The following PRKN variants were observed in gnomAD, a reference collection of about 807,000 sequenced individuals.
The protein encoded by PRKN is parkin RBR E3 ubiquitin protein ligase.
A neutral mutation model predicts 59.5 loss-of-function variants in PRKN; 56 were observed. That is an observed-to-expected ratio of 0.94 (90% CI 0.76 to 1.18). The LOEUF (loss-of-function observed/expected upper bound fraction) is 1.18, where lower values mean the gene tolerates loss of function less well. Ranked by LOEUF, PRKN falls within the 50% of genes most tolerant of loss-of-function variation. The probability of loss-of-function intolerance (pLI) is 0.00; values close to 1 mark genes in which losing one functional copy is unlikely to be tolerated. For synonymous variants in PRKN, 250 were observed against 222.1 expected (o/e 1.13, Z -1.12); for missense variants, 657 against 596.4 (o/e 1.10, Z -1.06).
Position 161,520,952 on chromosome 6 carries a change from A to G in PRKN, c.1083+27902T>C, listed in dbSNP as rs150128212. 2.0e-5 allele frequency among the ~76,000 whole-genome samples: 3 copies of G among 152,344 alleles called. No individual in the cohort carries two copies. The East Asian group carries it at 5.8e-4, about 29-fold the overall frequency. ...GAAATCAGGGTTCAGTTAGACACAA[A>G]GCTACAGAGCTTAATTAAACATATA... On this transcript the variant is annotated intron_variant, in intron 9 of 11. Coordinates refer to ENST00000366898, the MANE Select transcript of PRKN (RefSeq NM_004562.3).
At chr6:162,469,919 GAGA>G (rs1477612977) in intron 1 of PRKN, among the ~76,000 whole-genome samples, 59 of 152,194 alleles carry the variant, frequency 3.9e-4, no homozygotes, top group African/African-American at 1.4e-3. Flanking sequence ...GTGAATGGTA[GAGA>G]AGGAGGGAGC....
At chr6:162,570,191 G>A (rs1226331804) in intron 1 of PRKN, among the ~76,000 whole-genome samples, 3 of 152,130 alleles carry the variant, frequency 2.0e-5, no homozygotes, top group East Asian at 1.9e-4. Flanking sequence ...ATGGCAAACA[G>A]GCATATGAAA....
At chr6:161,988,796 C>CTTA (rs1277592508) in intron 5 of PRKN, among the ~76,000 whole-genome samples, 1 of 152,180 alleles carries the variant, frequency 6.6e-6, no homozygotes, top group East Asian at 1.9e-4. Context: ...TAAAGCTACC[C>CTTA]AATGGATAAT....
intron 1 of PRKN, among the ~76,000 whole-genome samples, chr6:162,673,613 T>C (rs1462438066): frequency 6.6e-6 from 1 of 152,170 alleles, no homozygotes; most frequent in Non-Finnish European, 1.5e-5. Flanking sequence ...CTCCAACTCC[T>C]GAGTTCAAGC....
intron 2 of PRKN, among the ~76,000 whole-genome samples, chr6:162,363,589 C>G (rs1445192741): frequency 3.4e-5 from 5 of 147,164 alleles, no homozygotes; most frequent in African/African-American, 1.0e-4. Flanking sequence ...ATTTCTTGTT[C>G]TTTTTAAAAA....
chr6:161,370,094 T>G, intron 10 of PRKN: 1 of 346,148 alleles, frequency 2.9e-6, no homozygotes, highest in South Asian at 2.1e-5. Flanking sequence ...TTTGTACACA[T>G]GGAAAAGACC....
chr6:162,237,924 C>A (rs749191011), intron 3 of PRKN, among the ~76,000 whole-genome samples: 1 of 152,116 alleles, frequency 6.6e-6, no homozygotes, highest in Non-Finnish European at 1.5e-5. Context: ...TGTACATACA[C>A]GCAAGAACGC....
chr6:161,943,820 AATCAGCCTGAAGG>A (rs1779658525), intron 6 of PRKN, among the ~76,000 whole-genome samples: 1 of 149,932 alleles, frequency 6.7e-6, no homozygotes. Context: ...CAGCCTGAGG[AATCAGCCTGAAGG>A]ATCAGCCTGA....
intron 1 of PRKN, among the ~76,000 whole-genome samples, chr6:162,589,238 C>T (rs1182521301): frequency 6.6e-6 from 1 of 152,112 alleles, no homozygotes; most frequent in African/African-American, 2.4e-5. Flanking sequence ...CATACCTACG[C>T]AGATTTTAAA....
chr6:161,757,093 A>G (rs1179524470), intron 7 of PRKN, among the ~76,000 whole-genome samples: 1 of 152,230 alleles, frequency 6.6e-6, no homozygotes, highest in African/African-American at 2.4e-5. Flanking sequence ...GATAATTCAA[A>G]ATAGATCAGA....
At chr6:162,711,855 T>G (rs1263746167) in intron 1 of PRKN, among the ~76,000 whole-genome samples, 2 of 152,170 alleles carry the variant, frequency 1.3e-5, no homozygotes, top group East Asian at 1.9e-4. Flanking sequence ...TTGCAAACTT[T>G]CTTGCGCAGA....
intron 2 of PRKN, among the ~76,000 whole-genome samples, chr6:162,296,219 AC>A (rs1314895280): frequency 2.0e-5 from 1 of 49,270 alleles, no homozygotes; most frequent in Non-Finnish European, 4.3e-5. Flanking sequence ...CCATCCCCCC[AC>A]CCCCTTCTAT....
intron 6 of PRKN, among the ~76,000 whole-genome samples, chr6:161,971,884 T>G (rs1780823016): frequency 6.6e-6 from 1 of 152,198 alleles, no homozygotes; most frequent in South Asian, 2.1e-4. Flanking sequence ...GAGACAACAC[T>G]TAAAATGATT....
intron 5 of PRKN, among the ~76,000 whole-genome samples, chr6:161,994,391 G>A (rs890653114): frequency 1.3e-5 from 2 of 152,014 alleles, no homozygotes; most frequent in Non-Finnish European, 1.5e-5. Context: ...AAAGGTGAAC[G>A]TCTATCCTCT....
intron 3 of PRKN, among the ~76,000 whole-genome samples, chr6:162,225,697 T>C (rs1778139696): frequency 1.3e-5 from 2 of 152,008 alleles, no homozygotes; most frequent in African/African-American, 4.8e-5. Context: ...TAAATGTGCT[T>C]TGACCAAAGA....
At chr6:161,894,543 A>G (rs765751572) in intron 6 of PRKN, among the ~76,000 whole-genome samples, 3 of 152,052 alleles carry the variant, frequency 2.0e-5, no homozygotes, top group Non-Finnish European at 4.4e-5. Flanking sequence ...CTTTGCTTGG[A>G]CCTTAATGTA....
At chr6:162,419,661 A>G (rs1172090817) in intron 2 of PRKN, among the ~76,000 whole-genome samples, 1 of 152,132 alleles carries the variant, frequency 6.6e-6, no homozygotes, top group African/African-American at 2.4e-5. Context: ...AGGTGAGGTT[A>G]GGGGGATTTT....
intron 1 of PRKN, among the ~76,000 whole-genome samples, chr6:162,614,462 A>G (rs1406076309): frequency 1.3e-5 from 2 of 152,190 alleles, no homozygotes; most frequent in African/African-American, 4.8e-5. Flanking sequence ...ACTTCAATAT[A>G]TTTGTGCATC....
At chr6:162,142,200 G>A (rs1781817599) in intron 4 of PRKN, among the ~76,000 whole-genome samples, 1 of 152,108 alleles carries the variant, frequency 6.6e-6, no homozygotes, top group Admixed American at 6.6e-5. Context: ...GTGAGAAGGG[G>A]TATTATACTG....
Sources: allele counts gnomAD v4.1 joint callset (sites outside exome capture counted in the v4.1 genomes callset), GRCh38; gene constraint gnomAD v4.1.1; transcripts MANE v1.5; gene names NCBI Gene and HGNC (gene_info 2026-07-23, HGNC 2026-07-21).